CDH4: variants seen among roughly 807,000 people sequenced by gnomAD.
CDH4 encodes the protein cadherin-4.
Under a neutral mutation model 86.0 loss-of-function variants are expected in CDH4, and 33 were observed. The observed-to-expected ratio is 0.38, with a 90% CI of 0.29 to 0.51. CDH4 has a LOEUF of 0.51. CDH4 is among the 20% of genes least tolerant of loss of function. CDH4 has a pLI of 0.86. For synonymous variants in CDH4, 555 were observed against 549.4 expected (o/e 1.01, Z -0.14); for missense variants, 1,114 against 1,307.4 (o/e 0.85, Z 2.28).
chr20:61,526,480 T>G (rs1035484327), intron 2 of CDH4, among the ~76,000 whole-genome samples: 2 of 147,614 alleles, frequency 1.4e-5, no homozygotes, highest in East Asian at 1.9e-4. Context: ...CCCTGGCTTG[T>G]TTTTTTTTCT....
chr20:61,649,025 T>G (rs1296986625), intron 2 of CDH4, among the ~76,000 whole-genome samples: 1 of 152,182 alleles, frequency 6.6e-6, no homozygotes, highest in Non-Finnish European at 1.5e-5. Context: ...AGATTCTCAA[T>G]TATGTTTTAT....
intron 2 of CDH4, among the ~76,000 whole-genome samples, chr20:61,530,761 G>A (rs1180551108): frequency 1.3e-5 from 2 of 152,088 alleles, no homozygotes; most frequent in Non-Finnish European, 2.9e-5. Flanking sequence ...GAGCAGGTGA[G>A]CGCACAACAG....
At chr20:61,328,625 A>G (rs2084550627) in intron 2 of CDH4, among the ~76,000 whole-genome samples, 1 of 152,122 alleles carries the variant, frequency 6.6e-6, no homozygotes, top group African/African-American at 2.4e-5. Flanking sequence ...CTTTACTAAA[A>G]ATAAAAAAAG....
Position 61,663,321 on chromosome 20 carries a change from C to T in CDH4, c.170-80242C>T, listed in dbSNP as rs1193457184. Among the ~76,000 whole-genome samples the T allele has an allele frequency of 1.3e-5, 2 of 152,174 alleles. No homozygotes were observed. Among genetic ancestry groups the T allele is most frequent in the African/African-American group, 4.8e-5 (2 of 41,438 alleles). On this transcript the variant is annotated intron_variant, in intron 2 of 15. Transcript: ENST00000614565. The surrounding 1 kb of genome is among the most constrained non-coding windows in gnomAD (Gnocchi z 5.0). ...TGGCACCCGCAGGAGGCCTGTGCTG[C>T]GGAGCTCCTGGGAGGGTGACGCTGG...
At chr20:61,726,302 C>T (rs2088110559) in intron 2 of CDH4, among the ~76,000 whole-genome samples, 1 of 152,130 alleles carries the variant, frequency 6.6e-6, no homozygotes, top group Admixed American at 6.5e-5. Flanking sequence ...TGAGTTATCC[C>T]ATGAGCCAAG....
intron 2 of CDH4, among the ~76,000 whole-genome samples, chr20:61,451,269 A>G (rs1052247106): frequency 6.6e-6 from 1 of 152,090 alleles, no homozygotes; most frequent in African/African-American, 2.4e-5. Context: ...AAGCGGCTGC[A>G]TATAAGGAGG....
At chr20:61,658,824 G>A (rs2087220391) in intron 2 of CDH4, among the ~76,000 whole-genome samples, 1 of 152,202 alleles carries the variant, frequency 6.6e-6, no homozygotes, top group Non-Finnish European at 1.5e-5. Context: ...GGCCTGGTGG[G>A]TGAGGCCGAG....
chr20:61,331,670 T>TCCTGCCCCGGCCACCTGCCCCAGACC (rs1568801254), intron 2 of CDH4, among the ~76,000 whole-genome samples: 38 of 38,570 alleles, frequency 9.9e-4, no homozygotes, highest in Non-Finnish European at 1.1e-3. Flanking sequence ...TGCCCCAGGC[T>TCCTGCCCCGGCCACCTGCCCCAGACC]CACCTCCTGC....
At position 61,393,891 on chromosome 20, in the gene CDH4, GAA is replaced by G. The variant is rs1418729801; in HGVS notation, c.169+138957_169+138958del. ...GTAAAATGGGTCTGTAACGCCCCTG[GAA>G]AAGAGTGTGCACTTAATGTTACCAT... On this transcript the variant is annotated intron_variant, in intron 2 of 15. Coordinates refer to ENST00000614565, the MANE Select transcript of CDH4 (RefSeq NM_001794.5). The surrounding 1 kb of genome is among the most constrained non-coding windows in gnomAD (Gnocchi z 4.3). Among the ~76,000 whole-genome samples, 1 of 151,972 alleles carries G rather than the reference GAA, an allele frequency of 6.6e-6. No homozygotes were observed. The highest frequency in any genetic ancestry group is 1.9e-4 in the East Asian group (1 of 5,188).
chr20:61,317,144 C>T (rs577985668), intron 2 of CDH4, among the ~76,000 whole-genome samples: 12 of 152,036 alleles, frequency 7.9e-5, no homozygotes, highest in Middle Eastern at 3.4e-3. Context: ...TTTGGGAGGC[C>T]GAGGTGGGTG....
At chr20:61,619,373 T>C (rs1055783106) in intron 2 of CDH4, among the ~76,000 whole-genome samples, 1 of 152,246 alleles carries the variant, frequency 6.6e-6, no homozygotes, top group African/African-American at 2.4e-5. Context: ...TAACTATCAA[T>C]CAAATGATTT....
chr20:61,788,699 T>C (rs1046782638), intron 4 of CDH4, among the ~76,000 whole-genome samples: 11 of 152,210 alleles, frequency 7.2e-5, no homozygotes, highest in Non-Finnish European at 1.0e-4. Flanking sequence ...TTTTCTAATA[T>C]TCTGAAGACT....
At chr20:61,603,304 C>G (rs796165027) in intron 2 of CDH4, among the ~76,000 whole-genome samples, 14 of 152,212 alleles carry the variant, frequency 9.2e-5, no homozygotes, top group African/African-American at 3.4e-4. Flanking sequence ...GAAAACAAAG[C>G]CAGGTGATGG....
At chr20:61,739,050 G>A (rs2088301589) in intron 2 of CDH4, 1 of 152,336 alleles carries the variant, frequency 6.6e-6, no homozygotes, top group Admixed American at 6.5e-5. Flanking sequence ...CGAGGGAAAA[G>A]TTTTCTGGGA....
At chr20:61,642,080 A>G (rs11204436) in intron 2 of CDH4, among the ~76,000 whole-genome samples, 7,021 of 31,836 alleles carry the variant, frequency 0.22, 2,367 homozygotes, top group African/African-American at 0.39. Context: ...CTGACCCACC[A>G]GGCACCACAG....
In CDH4 at chr20:61,444,879, A is replaced by G. The variant is rs116886035; in HGVS notation, c.169+189942A>G. 6.6e-3 allele frequency among the ~76,000 whole-genome samples: 839 copies of G among 127,502 alleles called. 33 individuals are homozygous for G. The highest frequency in any genetic ancestry group is 0.057 in the Admixed American group (758 of 13,242). 83.6% of individuals were successfully genotyped at this position (127,502 alleles called of 152,430 possible). On this transcript the variant is annotated intron_variant, in intron 2 of 15. Coordinates refer to ENST00000614565, the MANE Select transcript of CDH4 (RefSeq NM_001794.5). ...TGTGTATATGTATGTGTGTTTCTCT[A>G]TGTGTGTCTGTGTATATTTGTGTGT...
At position 61,846,840 on chromosome 20, in the gene CDH4, G is replaced by C. The variant is rs570563428; in HGVS notation, c.732+2017G>C. Among the ~76,000 whole-genome samples the C allele has an allele frequency of 3.9e-5, 6 of 152,128 alleles. No homozygotes were observed. In the East Asian group the frequency reaches 1.2e-3, roughly 30 times the overall value. Reference sequence around the variant, plus strand: ...GTGGCATTGCACATGCAGCCTGTGGGTGCTCGCTGGGGCATCCAAGGGGCA... The same window carrying C: ...GTGGCATTGCACATGCAGCCTGTGGCTGCTCGCTGGGGCATCCAAGGGGCA... On this transcript the variant is annotated intron_variant, in intron 5 of 15. Transcript: ENST00000614565.
At chr20:61,747,752 A>C (rs1192800084) in intron 3 of CDH4, among the ~76,000 whole-genome samples, 2 of 152,192 alleles carry the variant, frequency 1.3e-5, no homozygotes, top group Non-Finnish European at 2.9e-5. Context: ...GAAAATACAG[A>C]AGCAACCGTA....
chr20:61,334,753 C>G (rs777716316), intron 2 of CDH4, among the ~76,000 whole-genome samples: 1 of 152,190 alleles, frequency 6.6e-6, no homozygotes, highest in Admixed American at 6.5e-5. Flanking sequence ...CCGTCTGTAG[C>G]CCTCGCCTCC....
Sources: allele counts gnomAD v4.1 joint callset (sites outside exome capture counted in the v4.1 genomes callset), GRCh38; gene constraint gnomAD v4.1.1; non-coding constraint Gnocchi (gnomAD v3.1); transcripts MANE v1.5; gene names NCBI Gene and HGNC (gene_info 2026-07-23, HGNC 2026-07-21).